Variants in PAM observed in about 807,000 individuals in gnomAD.
PAM encodes the protein peptidylglycine alpha-amidating monooxygenase.
Under a neutral mutation model 122.1 loss-of-function variants are expected in PAM, and 72 were observed. That is an observed-to-expected ratio of 0.59 (90% CI 0.49 to 0.72). The LOEUF (loss-of-function observed/expected upper bound fraction) is 0.72, where lower values mean the gene tolerates loss of function less well. Among genes scored for constraint, PAM ranks in the 30% least tolerant of loss-of-function variants. The pLI is 0.00. For missense variants in PAM, 1,106 were observed against 1,183.7 expected, an observed-to-expected ratio of 0.93 and a Z score of 0.96; for synonymous variants, 389 against 404.4, an observed-to-expected ratio of 0.96 and a Z score of 0.46.
chr5:102,810,106 A>G (rs994176594), intron 1 of PAM, among the ~76,000 whole-genome samples: 6 of 152,220 alleles, frequency 3.9e-5, no homozygotes, highest in African/African-American at 1.4e-4. Context: ...TCTAAGCTAA[A>G]TTATATTAGG....
intron 3 of PAM, among the ~76,000 whole-genome samples, chr5:102,895,575 G>GA (rs202086466): frequency 1.3e-5 from 2 of 151,564 alleles, no homozygotes; most frequent in Non-Finnish European, 3.0e-5. Context: ...GGCCTGGGGG[G>GA]AAAAAAACAC....
Position 103,017,399 on chromosome 5 carries a change from T to C in PAM, c.2397T>C (p.His799=), listed in dbSNP as rs756542351. The change falls in exon 22 of 26, where the codon CAT becomes CAC. Residue 799 remains histidine (H), a synonymous_variant. Transcript: ENST00000438793. ...EDGTVYIGDA[H]TNTVWKFTLT... is the part of the protein sequence containing the mutation. The stretch of plus-strand genomic sequence containing the variant: ...GGACTGTGTACATTGGAGATGCTCA[T>C]ACCAACACCGTGTGGAAGTTCACCT... 5.6e-6 allele frequency: 9 copies of C among 1,609,616 alleles called. No homozygotes were observed. Among genetic ancestry groups the C allele is most frequent in the Non-Finnish European group, 7.7e-6 (9 of 1,176,150 alleles).
intron 21 of PAM, among the ~76,000 whole-genome samples, chr5:103,016,877 C>T (rs971648595): frequency 6.6e-6 from 1 of 152,074 alleles, no homozygotes; most frequent in African/African-American, 2.4e-5. Flanking sequence ...TTTAAGGTAG[C>T]ACATGATAGC....
chr5:102,859,077 T>C (rs577651464), intron 1 of PAM, among the ~76,000 whole-genome samples: 19 of 151,574 alleles, frequency 1.3e-4, no homozygotes, highest in African/African-American at 4.3e-4. Flanking sequence ...TTGATAAAGA[T>C]AATAAACGAC....
intron 1 of PAM, among the ~76,000 whole-genome samples, chr5:102,780,082 G>T (rs943606809): frequency 6.6e-6 from 1 of 151,590 alleles, no homozygotes; most frequent in Non-Finnish European, 1.5e-5. Context: ...TGATGAAAAC[G>T]TGTGCCCCCT....
At chr5:102,908,290 C>T (rs1238109197) in intron 4 of PAM, among the ~76,000 whole-genome samples, 11 of 151,564 alleles carry the variant, frequency 7.3e-5, no homozygotes, top group South Asian at 2.1e-4. Flanking sequence ...TGTAGATATG[C>T]GGCGTTATTT....
intron 14 of PAM, among the ~76,000 whole-genome samples, chr5:102,967,457 G>A (rs949591249): frequency 1.3e-5 from 2 of 152,098 alleles, no homozygotes; most frequent in Admixed American, 1.3e-4. Context: ...GCAGATGCAA[G>A]GGCTGACATT....
At chr5:103,012,223 C>A (rs559920038) in intron 21 of PAM, among the ~76,000 whole-genome samples, 1 of 152,174 alleles carries the variant, frequency 6.6e-6, no homozygotes, top group Admixed American at 6.5e-5. Context: ...TGTCTCTTCA[C>A]GTGGTTGATT....
intron 1 of PAM, among the ~76,000 whole-genome samples, chr5:102,757,273 G>A (rs777897278): frequency 6.6e-5 from 10 of 152,016 alleles, no homozygotes; most frequent in Non-Finnish European, 1.5e-4. Flanking sequence ...GTTTCAGTGA[G>A]CTGAGATCAC....
chr5:102,826,281 G>A (rs949361849), intron 1 of PAM, among the ~76,000 whole-genome samples: 2 of 151,960 alleles, frequency 1.3e-5, no homozygotes, highest in African/African-American at 4.8e-5. Context: ...GTATTTATGT[G>A]GAATGAGACA....
intron 9 of PAM, 150 bp from the exon 10 acceptor site, chr5:102,949,387 A>G (rs1165881355): frequency 4.7e-6 from 3 of 633,388 alleles, no homozygotes; most frequent in Non-Finnish European, 8.5e-6. Context: ...AGTGGCTGGC[A>G]CAGAATAAGT....
chr5:102,843,207 T>C (rs1270083883), intron 1 of PAM, among the ~76,000 whole-genome samples: 4 of 152,220 alleles, frequency 2.6e-5, no homozygotes, highest in Non-Finnish European at 5.9e-5. Flanking sequence ...GGAATTGTGG[T>C]TTCTCACATT....
intron 4 of PAM, among the ~76,000 whole-genome samples, chr5:102,909,347 A>G (rs1800683830): frequency 6.6e-6 from 1 of 151,906 alleles, no homozygotes; most frequent in Non-Finnish European, 1.5e-5. Context: ...AAATAATTCT[A>G]AAATATCAAC....
chr5:102,986,277 A>G (rs907942896), intron 15 of PAM, among the ~76,000 whole-genome samples: 8 of 152,140 alleles, frequency 5.3e-5, no homozygotes, highest in African/African-American at 1.9e-4. Context: ...CAAATCAGAA[A>G]AGAGGAAGTC....
At chr5:103,028,036 C>T (rs186501648) in intron 24 of PAM, 149 bp from the exon 25 acceptor site, 9 of 617,858 alleles carry the variant, frequency 1.5e-5, no homozygotes, top group Admixed American at 2.9e-5. Flanking sequence ...AGAAATATAC[C>T]GCCTTTCTTA....
At chr5:102,973,864 T>C (rs1409296492) in intron 14 of PAM, among the ~76,000 whole-genome samples, 1 of 152,174 alleles carries the variant, frequency 6.6e-6, no homozygotes, top group Non-Finnish European at 1.5e-5. Context: ...GCCATGCAAT[T>C]ACATAAGCAT....
At chr5:102,805,477 A>C (rs1268364313) in intron 1 of PAM, among the ~76,000 whole-genome samples, 1 of 151,970 alleles carries the variant, frequency 6.6e-6, no homozygotes, top group Non-Finnish European at 1.5e-5. Context: ...TTTTTTTCTG[A>C]ATAAAAGAAG....
chr5:102,778,710 A>AT, intron 1 of PAM, among the ~76,000 whole-genome samples: 1 of 151,928 alleles, frequency 6.6e-6, no homozygotes, highest in Non-Finnish European at 1.5e-5. Flanking sequence ...CATTCACTTC[A>AT]TTTTTACATG....
intron 14 of PAM, among the ~76,000 whole-genome samples, chr5:102,967,690 T>C (rs1171712424): frequency 6.6e-6 from 1 of 151,928 alleles, no homozygotes; most frequent in East Asian, 1.9e-4. Flanking sequence ...GTAAGGTACA[T>C]TTTTTCAAAT....
Sources: allele counts gnomAD v4.1 joint callset (sites outside exome capture counted in the v4.1 genomes callset), GRCh38; gene constraint gnomAD v4.1.1; transcripts MANE v1.5; gene names NCBI Gene and HGNC (gene_info 2026-07-23, HGNC 2026-07-21).